Variants in MDGA2 observed in about 807,000 individuals in gnomAD.
MDGA2 encodes the protein MAM domain containing glycosylphosphatidylinositol anchor 2.
Under a neutral mutation model 117.8 loss-of-function variants are expected in MDGA2, and 40 were observed. That is an observed-to-expected ratio of 0.34 (90% CI 0.26 to 0.44). The LOEUF (loss-of-function observed/expected upper bound fraction) is 0.44, where lower values mean the gene tolerates loss of function less well. Among genes scored for constraint, MDGA2 ranks in the 20% least tolerant of loss-of-function variants. The pLI, the probability that MDGA2 is intolerant of heterozygous loss-of-function variation, is 1.00. For missense variants in MDGA2, 1,123 were observed against 1,250.6 expected (o/e 0.90, Z 1.54); for synonymous variants, 452 against 439.0 (o/e 1.03, Z -0.37).
intron 1 of MDGA2, among the ~76,000 whole-genome samples, chr14:47,312,655 C>T (rs1889671211): frequency 6.6e-6 from 1 of 151,002 alleles, no homozygotes; most frequent in African/African-American, 2.4e-5. Flanking sequence ...AAGGTCATGC[C>T]ACCATGCCCA....
chr14:47,610,481 C>T (rs956822623), intron 1 of MDGA2, among the ~76,000 whole-genome samples: 21 of 151,986 alleles, frequency 1.4e-4, no homozygotes, highest in East Asian at 9.7e-4. Flanking sequence ...ACAAGACTAA[C>T]GTACAAAAAT....
intron 3 of MDGA2, among the ~76,000 whole-genome samples, chr14:47,155,732 C>A (rs147728757): frequency 6.6e-5 from 10 of 151,966 alleles, no homozygotes; most frequent in Non-Finnish European, 1.2e-4. Flanking sequence ...GCCTAACAGG[C>A]CGAGAGGGCA....
intron 8 of MDGA2, among the ~76,000 whole-genome samples, chr14:46,994,375 G>C (rs1444770960): frequency 6.6e-6 from 1 of 152,116 alleles, no homozygotes; most frequent in East Asian, 1.9e-4. Context: ...ACCTAACAGT[G>C]ACCTTCAGGA....
intron 1 of MDGA2, among the ~76,000 whole-genome samples, chr14:47,395,885 TA>T (rs1891996897): frequency 6.6e-6 from 1 of 152,126 alleles, no homozygotes; most frequent in Non-Finnish European, 1.5e-5. Flanking sequence ...AGAAAGGAAG[TA>T]AAGGACCATT....
chr14:47,088,130 A>T (rs2138930606), intron 6 of MDGA2, among the ~76,000 whole-genome samples: 1 of 152,180 alleles, frequency 6.6e-6, no homozygotes, highest in African/African-American at 2.4e-5. Context: ...ATTCTTCATA[A>T]ATTATTTTAA....
intron 3 of MDGA2, among the ~76,000 whole-genome samples, chr14:47,191,869 G>C (rs929987382): frequency 1.1e-4 from 17 of 149,832 alleles, no homozygotes; most frequent in African/African-American, 4.0e-4. Context: ...TGAGCACATA[G>C]GGAGGGAATA....
chr14:47,078,523 T>C (rs1432720933), intron 6 of MDGA2, among the ~76,000 whole-genome samples: 8 of 152,134 alleles, frequency 5.3e-5, no homozygotes, highest in Admixed American at 2.6e-4. Flanking sequence ...ATTTTTGAAA[T>C]ATAAATCCAA....
At chr14:47,199,790 A>G (rs1351386790) in intron 3 of MDGA2, among the ~76,000 whole-genome samples, 1 of 152,200 alleles carries the variant, frequency 6.6e-6, no homozygotes, top group Non-Finnish European at 1.5e-5. Flanking sequence ...TCAATTTGCA[A>G]AGAATATAAA....
chr14:47,143,128 C>A (rs1327776550), intron 4 of MDGA2, among the ~76,000 whole-genome samples: 2 of 152,004 alleles, frequency 1.3e-5, no homozygotes, highest in Non-Finnish European at 2.9e-5. Flanking sequence ...GGATTACAGG[C>A]ACGTGCCACC....
At position 47,177,452 on chromosome 14, in the gene MDGA2, C is replaced by T. The variant is rs567466368; in HGVS notation, c.596-33178G>A. On this transcript the variant is annotated intron_variant, in intron 3 of 16. Coordinates refer to ENST00000399232, the MANE Select transcript of MDGA2 (RefSeq NM_001113498.3). ...TTAAGAAAATGTGGCACATAGACAC[C>T]ATGGAATACTATGCAGCCATAAAAA... Among the ~76,000 whole-genome samples, 1,447 of 152,150 alleles carry T rather than the reference C, an allele frequency of 9.5e-3. 26 individuals are homozygous for T. The highest frequency in any genetic ancestry group is 0.033 in the African/African-American group (1,388 of 41,462).
At chr14:47,016,186 C>CA (rs1888077186) in intron 8 of MDGA2, among the ~76,000 whole-genome samples, 1 of 152,008 alleles carries the variant, frequency 6.6e-6, no homozygotes, top group Admixed American at 6.6e-5. Context: ...ATTGCCAACT[C>CA]AGTTACAATA....
chr14:47,593,925 G>A (rs148235473), intron 1 of MDGA2, among the ~76,000 whole-genome samples: 8 of 152,168 alleles, frequency 5.3e-5, no homozygotes, highest in Non-Finnish European at 7.4e-5. Context: ...AAACTTTGCC[G>A]ATTTGTGAGG....
At chr14:47,389,317 G>A (rs927551585) in intron 1 of MDGA2, among the ~76,000 whole-genome samples, 2 of 152,088 alleles carry the variant, frequency 1.3e-5, no homozygotes, top group African/African-American at 4.8e-5. Context: ...TTCTAAAATA[G>A]ATGATGTATC....
chr14:47,140,250 T>C (rs909847178), intron 4 of MDGA2, among the ~76,000 whole-genome samples: 3 of 152,038 alleles, frequency 2.0e-5, no homozygotes, highest in African/African-American at 7.2e-5. Flanking sequence ...TTAAAATGTC[T>C]GTGCTATCCA....
At chr14:47,370,774 T>C (rs1359461743) in intron 1 of MDGA2, among the ~76,000 whole-genome samples, 1 of 151,600 alleles carries the variant, frequency 6.6e-6, no homozygotes, top group African/African-American at 2.4e-5. Flanking sequence ...ATCATACACT[T>C]GCTTTAGGTG....
intron 3 of MDGA2, among the ~76,000 whole-genome samples, chr14:47,212,345 A>G (rs1885915774): frequency 6.6e-6 from 1 of 152,148 alleles, no homozygotes; most frequent in Non-Finnish European, 1.5e-5. Flanking sequence ...AAAATTTGGA[A>G]TGAAATTGGT....
intron 9 of MDGA2, among the ~76,000 whole-genome samples, chr14:46,932,322 C>T (rs1285881995): frequency 6.6e-6 from 1 of 151,804 alleles, no homozygotes; most frequent in East Asian, 1.9e-4. Context: ...TAATTTGCTT[C>T]AATAATGTAA....
chr14:47,452,702 A>T (rs12896785), intron 1 of MDGA2, among the ~76,000 whole-genome samples: 29,111 of 151,984 alleles, frequency 0.19, 3,429 homozygotes, highest in East Asian at 0.53. Context: ...AACCAAGGAT[A>T]CATTTCCCAG....
intron 5 of MDGA2, among the ~76,000 whole-genome samples, chr14:47,122,316 A>G (rs1442356562): frequency 6.6e-6 from 1 of 152,044 alleles, no homozygotes; most frequent in Non-Finnish European, 1.5e-5. Context: ...TTAAGGCTCC[A>G]TATGCACCAA....
Sources: allele counts gnomAD v4.1 joint callset (sites outside exome capture counted in the v4.1 genomes callset), GRCh38; gene constraint gnomAD v4.1.1; transcripts MANE v1.5; gene names NCBI Gene and HGNC (gene_info 2026-07-23, HGNC 2026-07-21).